Variants in TMA7B observed in about 807,000 individuals in gnomAD.
TMA7B encodes the protein translation machinery-associated protein 7B.
At chr22:39,961,357 T>C in the TMA7B span, among the ~76,000 whole-genome samples, 2 of 152,184 alleles carry the variant, frequency 1.3e-5, no homozygotes, top group African/African-American at 4.8e-5. Flanking sequence ...AGGCTGCTTC[T>C]GAAACCTTCC....
chr22:39,964,380 C>T, the TMA7B span: 2 of 747,842 alleles, frequency 2.7e-6, no homozygotes, highest in Non-Finnish European at 4.7e-6. Context: ...GCGCCATGTC[C>T]AGCCACGAAG....
chr22:39,961,050 A>C, the TMA7B span: 1 of 147,826 alleles, frequency 6.8e-6, no homozygotes, highest in South Asian at 2.1e-4. Flanking sequence ...GGCTCAAGCC[A>C]TCTTCCCACC....
the TMA7B span, chr22:39,960,953 CTTT>C: frequency 9.2e-5 from 12 of 131,050 alleles, no homozygotes; most frequent in Admixed American, 2.4e-4. Context: ...CCCAAGTCTT[CTTT>C]TTTTTTTTTT....
At chr22:39,964,272 G>A in the TMA7B span, 6 of 631,844 alleles carry the variant, frequency 9.5e-6, no homozygotes, top group South Asian at 3.7e-5. Context: ...GCCCTGGTTC[G>A]AATGTGTCCC....
At chr22:39,964,715 T>TTAAA in the TMA7B span, 4 of 308,560 alleles carry the variant, frequency 1.3e-5, no homozygotes, top group African/African-American at 7.6e-5. Context: ...TAAACTTTTG[T>TTAAA]AAAAAAAAAA....
chr22:39,960,953 C>CTTTTTTTT, the TMA7B span: 1 of 131,060 alleles, frequency 7.6e-6, no homozygotes. Context: ...CCCAAGTCTT[C>CTTTTTTTT]TTTTTTTTTT....
At chr22:39,963,306 G>C in the TMA7B span, among the ~76,000 whole-genome samples, 1 of 152,112 alleles carries the variant, frequency 6.6e-6, no homozygotes, top group Non-Finnish European at 1.5e-5. Context: ...TTGAGACAAT[G>C]GTCAGGCCAT....
chr22:39,963,795 A>G, the TMA7B span: 1 of 152,506 alleles, frequency 6.6e-6, no homozygotes, highest in Non-Finnish European at 1.5e-5. Context: ...AGGTGGGCGG[A>G]TCATGAGGTC....
At chr22:39,961,200 T>C in the TMA7B span, among the ~76,000 whole-genome samples, 2 of 152,118 alleles carry the variant, frequency 1.3e-5, no homozygotes, top group African/African-American at 4.8e-5. Context: ...GTAATCCTCC[T>C]GCCTTGGCCT....
chr22:39,961,168 G>T, the TMA7B span, among the ~76,000 whole-genome samples: 1 of 152,154 alleles, frequency 6.6e-6, no homozygotes, highest in East Asian at 1.9e-4. Context: ...TGCCTGGGCT[G>T]ATCTCAAACT....
At chr22:39,964,098 C>G in the TMA7B span, 3 of 352,046 alleles carry the variant, frequency 8.5e-6, no homozygotes, top group East Asian at 1.6e-4. Flanking sequence ...TTACATCAGG[C>G]AATTGGCATC....
At chr22:39,964,028 C>CCACT in the TMA7B span, 1 of 192,166 alleles carries the variant, frequency 5.2e-6, no homozygotes, top group African/African-American at 2.4e-5. Context: ...AAAGAAACCT[C>CCACT]CACTTACTCT....
chr22:39,963,199 T>G, the TMA7B span, among the ~76,000 whole-genome samples: 3 of 152,210 alleles, frequency 2.0e-5, no homozygotes, highest in African/African-American at 4.8e-5. Context: ...AAGAGCTAAT[T>G]GTAGTTCTAT....
the TMA7B span, among the ~76,000 whole-genome samples, chr22:39,963,034 A>C: frequency 1.3e-5 from 2 of 152,210 alleles, no homozygotes; most frequent in African/African-American, 4.8e-5. Flanking sequence ...CTTGACTTCT[A>C]CCGAAGTCTT....
chr22:39,962,664 C>T, the TMA7B span, among the ~76,000 whole-genome samples: 2 of 151,608 alleles, frequency 1.3e-5, no homozygotes, highest in South Asian at 4.2e-4. Flanking sequence ...TTTGTGGTTT[C>T]GTTGGTTTTT....
chr22:39,963,435 A>G, the TMA7B span, among the ~76,000 whole-genome samples: 1 of 152,220 alleles, frequency 6.6e-6, no homozygotes, highest in African/African-American at 2.4e-5. Context: ...ATGAAAAATT[A>G]TAATATCACA....
At chr22:39,960,402 A>C in the TMA7B span, 1 of 479,736 alleles carries the variant, frequency 2.1e-6, no homozygotes. Flanking sequence ...TTCTACGCCC[A>C]TCTGCCTCCC....
chr22:39,961,198 C>T, the TMA7B span, among the ~76,000 whole-genome samples: 2 of 152,084 alleles, frequency 1.3e-5, no homozygotes, highest in African/African-American at 4.8e-5. Context: ...GAGTAATCCT[C>T]CTGCCTTGGC....
At chr22:39,961,330 G>T in the TMA7B span, among the ~76,000 whole-genome samples, 1 of 152,130 alleles carries the variant, frequency 6.6e-6, no homozygotes, top group South Asian at 2.1e-4. Flanking sequence ...GAAGGCCAAA[G>T]GAAGACTTTG....
Sources: gnomAD v4.1 joint callset for allele counts (sites outside exome capture counted in the v4.1 genomes callset) on GRCh38, gnomAD v4.1.1 for gene constraint, MANE v1.5 for transcripts, NCBI Gene and HGNC (gene_info 2026-07-23, HGNC 2026-07-21) for gene names.